The following COL23A1 variants were observed in gnomAD, a reference collection of about 807,000 sequenced individuals.
COL23A1 encodes collagen type XXIII alpha 1 chain.
In COL23A1, 97 loss-of-function variants were observed where a neutral mutation model predicts 99.3. That is an observed-to-expected ratio of 0.98 (90% CI 0.83 to 1.16). The LOEUF (loss-of-function observed/expected upper bound fraction) is 1.16. Among genes scored for constraint, COL23A1 ranks in the 50% most tolerant of loss-of-function variants. COL23A1 has a pLI of 0.00. For missense variants in COL23A1, 762 were observed against 757.4 expected (o/e 1.01, Z -0.07); for synonymous variants, 320 against 308.2 (o/e 1.04, Z -0.40).
At chr5:178,512,583 G>A (rs1370942099) in intron 2 of COL23A1, among the ~76,000 whole-genome samples, 1 of 152,178 alleles carries the variant, frequency 6.6e-6, no homozygotes, top group African/African-American at 2.4e-5. Context: ...CAGCAGCCCT[G>A]CTCAGATTCT....
intron 2 of COL23A1, among the ~76,000 whole-genome samples, chr5:178,429,612 C>T (rs1345939787): frequency 1.3e-5 from 2 of 152,170 alleles, no homozygotes. Context: ...AATGTAGATT[C>T]ATTGAGTGCC....
At chr5:178,352,573 C>T (rs185658510) in intron 2 of COL23A1, among the ~76,000 whole-genome samples, 9 of 152,328 alleles carry the variant, frequency 5.9e-5, no homozygotes, top group African/African-American at 1.9e-4. Flanking sequence ...GACCTCTTTT[C>T]AATACACAGC....
chr5:178,363,918 G>T (rs1328949879), intron 2 of COL23A1, among the ~76,000 whole-genome samples: 1 of 152,170 alleles, frequency 6.6e-6, no homozygotes, highest in Non-Finnish European at 1.5e-5. Context: ...AATGGGATTT[G>T]TCACACGTGG....
At chr5:178,424,374 C>G (rs1214217075) in intron 2 of COL23A1, among the ~76,000 whole-genome samples, 1 of 152,244 alleles carries the variant, frequency 6.6e-6, no homozygotes, top group African/African-American at 2.4e-5. Flanking sequence ...CTAGGGCAAG[C>G]ACTGTGCTCT....
chr5:178,374,025 C>T (rs575516559), intron 2 of COL23A1, among the ~76,000 whole-genome samples: 19 of 152,276 alleles, frequency 1.2e-4, no homozygotes, highest in Admixed American at 1.0e-3. Flanking sequence ...TTGATTTGGA[C>T]GCGTTCTCAC....
chr5:178,446,569 A>C (rs1240442083), intron 2 of COL23A1, among the ~76,000 whole-genome samples: 1 of 152,118 alleles, frequency 6.6e-6, no homozygotes, highest in African/African-American at 2.4e-5. Context: ...ACATTTTCAA[A>C]ACAGGAGAAA....
At chr5:178,414,242 C>T (rs1221606978) in intron 2 of COL23A1, among the ~76,000 whole-genome samples, 3 of 152,200 alleles carry the variant, frequency 2.0e-5, no homozygotes, top group Non-Finnish European at 4.4e-5. Context: ...CCCACAGCAA[C>T]AGCAGTGCTG....
At chr5:178,484,821 C>CAAAA (rs397746374) in intron 2 of COL23A1, among the ~76,000 whole-genome samples, 8 of 90,400 alleles carry the variant, frequency 8.8e-5, no homozygotes, top group South Asian at 7.8e-4. Flanking sequence ...GACTCTGTCT[C>CAAAA]AAAAAAAAAA....
At chr5:178,532,083 T>C (rs535133664) in intron 2 of COL23A1, among the ~76,000 whole-genome samples, 1 of 152,332 alleles carries the variant, frequency 6.6e-6, no homozygotes, top group African/African-American at 2.4e-5. Flanking sequence ...TCTGCCGACG[T>C]GGGCAGAGCT....
chr5:178,440,110 A>T (rs1472892581), intron 2 of COL23A1: 3 of 152,194 alleles, frequency 2.0e-5, no homozygotes, highest in African/African-American at 7.2e-5. Flanking sequence ...CCATACATTT[A>T]CTAAAAATCA....
chr5:178,545,344 A>G (rs1342751552), intron 2 of COL23A1, among the ~76,000 whole-genome samples: 1 of 152,156 alleles, frequency 6.6e-6, no homozygotes, highest in East Asian at 1.9e-4. Context: ...GGCTACTTCT[A>G]AAGACATGAC....
At chr5:178,509,464 A>T (rs1480825084) in intron 2 of COL23A1, among the ~76,000 whole-genome samples, 22 of 152,026 alleles carry the variant, frequency 1.4e-4, no homozygotes, top group Non-Finnish European at 1.5e-5. Context: ...CTTGTGATCC[A>T]TCCGCCTCGG....
intron 2 of COL23A1, among the ~76,000 whole-genome samples, chr5:178,515,857 C>T (rs996980564): frequency 1.1e-4 from 16 of 152,148 alleles, no homozygotes; most frequent in Admixed American, 1.0e-3. Context: ...CCCAGTAACG[C>T]ACCAAGTGTT....
intron 2 of COL23A1, among the ~76,000 whole-genome samples, chr5:178,393,305 TG>T (rs1764064132): frequency 6.6e-6 from 1 of 152,076 alleles, no homozygotes; most frequent in African/African-American, 2.4e-5. Flanking sequence ...GAAGGACAAA[TG>T]CTGGATGAGC....
chr5:178,398,409 A>G (rs1365546223), intron 2 of COL23A1, among the ~76,000 whole-genome samples: 1 of 152,148 alleles, frequency 6.6e-6, no homozygotes, highest in Non-Finnish European at 1.5e-5. Flanking sequence ...GGCGGATCAC[A>G]TTGGGTCAGG....
At chr5:178,347,900 C>A (rs139293763) in intron 2 of COL23A1, among the ~76,000 whole-genome samples, 69,668 of 143,404 alleles carry the variant, frequency 0.49, 17,631 homozygotes, top group East Asian at 0.81. Flanking sequence ...AAAAAAAACC[C>A]AAAAAAACAA....
chr5:178,551,062 G>A (rs758514384), intron 2 of COL23A1, among the ~76,000 whole-genome samples: 2 of 73,074 alleles, frequency 2.7e-5, no homozygotes, highest in Non-Finnish European at 7.2e-5. Flanking sequence ...AGAAACACCA[G>A]AGCAGGTGGT....
At chr5:178,585,962 C>T (rs1412657827) in intron 1 of COL23A1, among the ~76,000 whole-genome samples, 1 of 152,302 alleles carries the variant, frequency 6.6e-6, no homozygotes, top group Non-Finnish European at 1.5e-5. Context: ...GGAAAGTTTT[C>T]CCCTGAATTG....
intron 2 of COL23A1, among the ~76,000 whole-genome samples, chr5:178,392,237 T>C (rs187853496): frequency 6.6e-6 from 1 of 152,128 alleles, no homozygotes; most frequent in Admixed American, 6.5e-5. Context: ...GTAAACTGTA[T>C]AGTGAGTTAT....
Sources: gnomAD v4.1 joint callset for allele counts (sites outside exome capture counted in the v4.1 genomes callset) on GRCh38, gnomAD v4.1.1 for gene constraint, MANE v1.5 for transcripts, NCBI Gene and HGNC (gene_info 2026-07-23, HGNC 2026-07-21) for gene names.